The following L3MBTL4 variants were observed in gnomAD, a reference collection of about 807,000 sequenced individuals.
L3MBTL4 encodes L3MBTL histone methyl-lysine binding protein 4.
In L3MBTL4, 70 loss-of-function variants were observed where a neutral mutation model predicts 84.5. The observed-to-expected ratio is 0.83, with a 90% CI of 0.68 to 1.01. The LOEUF (loss-of-function observed/expected upper bound fraction) is 1.01, where lower values mean the gene tolerates loss of function less well. L3MBTL4 is among the 50% of genes least tolerant of loss of function. The pLI is 0.00. For missense variants in L3MBTL4, 715 were observed against 754.8 expected (o/e 0.95, Z 0.62); for synonymous variants, 274 against 259.8 (o/e 1.05, Z -0.52).
At chr18:5,989,599 T>G (rs866946095) in intron 16 of L3MBTL4, among the ~76,000 whole-genome samples, 15 of 152,170 alleles carry the variant, frequency 9.9e-5, no homozygotes, top group Non-Finnish European at 7.3e-5. Context: ...CCCACCCAAT[T>G]TGACCCTCTG....
chr18:6,386,204 G>A (rs1476809210), intron 1 of L3MBTL4, among the ~76,000 whole-genome samples: 2 of 152,158 alleles, frequency 1.3e-5, no homozygotes, highest in Non-Finnish European at 2.9e-5. Context: ...TAAAGAATGA[G>A]AAAGATTCCA....
At chr18:6,003,361 C>T (rs546831057) in intron 16 of L3MBTL4, among the ~76,000 whole-genome samples, 1 of 151,482 alleles carries the variant, frequency 6.6e-6, no homozygotes, top group Admixed American at 6.6e-5. Context: ...GAAGATATAA[C>T]AATTATAAAC....
chr18:5,973,418 C>A (rs571352301), intron 16 of L3MBTL4, among the ~76,000 whole-genome samples: 1 of 152,298 alleles, frequency 6.6e-6, no homozygotes, highest in East Asian at 1.9e-4. Flanking sequence ...TGTTGACAGG[C>A]TTTTAAAAGT....
intron 16 of L3MBTL4, among the ~76,000 whole-genome samples, chr18:5,974,489 T>A (rs962034011): frequency 5.9e-5 from 9 of 152,302 alleles, no homozygotes; most frequent in South Asian, 4.1e-4. Flanking sequence ...GGTAAGTCTA[T>A]CTGCCTTTAA....
In L3MBTL4 at chr18:6,121,159, C is replaced by A. The variant is rs147830222; in HGVS notation, c.1199+17035G>T. The stretch of plus-strand genomic sequence containing the variant: ...TGTACTATTATAACTGAGGTCAATG[C>A]CACTGTATCTATTTTAGTAAGCAGC... On this transcript the variant is annotated intron_variant, in intron 14 of 18. Transcript: ENST00000317931. Among the ~76,000 whole-genome samples the A allele has an allele frequency of 4.9e-4, 75 of 152,270 alleles. 1 individual carries two copies. Among genetic ancestry groups the A allele is most frequent in the African/African-American group, 1.8e-3 (73 of 41,556 alleles).
intron 1 of L3MBTL4, among the ~76,000 whole-genome samples, chr18:6,358,055 C>T (rs2053523596): frequency 6.6e-6 from 1 of 152,232 alleles, no homozygotes; most frequent in South Asian, 2.1e-4. Flanking sequence ...CTGGCCTACC[C>T]TTCCCCCATC....
intron 16 of L3MBTL4, among the ~76,000 whole-genome samples, chr18:6,037,117 C>A (rs954515737): frequency 2.0e-5 from 3 of 152,312 alleles, no homozygotes; most frequent in African/African-American, 7.2e-5. Context: ...TCGGAAGCAG[C>A]AATCAGCAGT....
intron 5 of L3MBTL4, among the ~76,000 whole-genome samples, chr18:6,249,433 C>A (rs1159618935): frequency 6.6e-6 from 1 of 152,110 alleles, no homozygotes; most frequent in Non-Finnish European, 1.5e-5. Context: ...TACTTCCCAG[C>A]CAGAAGTTAA....
chr18:6,259,997 T>C (rs1173855208), intron 5 of L3MBTL4: 1 of 152,216 alleles, frequency 6.6e-6, no homozygotes, highest in Non-Finnish European at 1.5e-5. Flanking sequence ...AGTTTTAATC[T>C]TCTGTATATG....
chr18:6,126,414 T>G (rs2059696759), intron 14 of L3MBTL4, among the ~76,000 whole-genome samples: 1 of 152,206 alleles, frequency 6.6e-6, no homozygotes, highest in South Asian at 2.1e-4. Context: ...CAGCTTCTCC[T>G]TAATCAATGT....
intron 5 of L3MBTL4, chr18:6,258,753 T>C (rs1416344873): frequency 6.6e-6 from 1 of 151,868 alleles, no homozygotes; most frequent in Non-Finnish European, 1.5e-5. Flanking sequence ...CCCAAGGTCT[T>C]AGGAGGTGGA....
At chr18:6,052,301 T>C (rs189326626) in intron 16 of L3MBTL4, among the ~76,000 whole-genome samples, 61 of 152,332 alleles carry the variant, frequency 4.0e-4, no homozygotes, top group African/African-American at 1.3e-3. Flanking sequence ...AAATACAATT[T>C]AAAGTGATGT....
intron 10 of L3MBTL4, among the ~76,000 whole-genome samples, chr18:6,221,063 T>C (rs2046530503): frequency 2.0e-5 from 3 of 152,208 alleles, no homozygotes; most frequent in Admixed American, 2.0e-4. Flanking sequence ...TAAGAAGGTG[T>C]AATACTGGTT....
intron 1 of L3MBTL4, among the ~76,000 whole-genome samples, chr18:6,345,615 C>A (rs993471510): frequency 1.3e-5 from 2 of 151,420 alleles, no homozygotes; most frequent in African/African-American, 4.9e-5. Context: ...ATAAATTTAA[C>A]CAAGAGGGTG....
intron 14 of L3MBTL4, among the ~76,000 whole-genome samples, chr18:6,125,164 G>A (rs561474695): frequency 6.6e-6 from 1 of 151,882 alleles, no homozygotes; most frequent in East Asian, 1.9e-4. Flanking sequence ...CTAACAAAAT[G>A]CGGAAGGAAG....
Position 6,411,244 on chromosome 18 carries a change from T to A in L3MBTL4, c.-91+3557A>T, listed in dbSNP as rs2055951763. Reference sequence around the variant, plus strand: ...TGCCGATATTTATACTGCTTGCTGTTATTCACTGTAGTAAATAGTGCATTT... The same window carrying A: ...TGCCGATATTTATACTGCTTGCTGTAATTCACTGTAGTAAATAGTGCATTT... On this transcript the variant is annotated intron_variant, in intron 1 of 18. Transcript: ENST00000317931. 2.0e-5 allele frequency among the ~76,000 whole-genome samples: 3 copies of A among 148,276 alleles called. No individual in the cohort carries two copies. In the Admixed American group the frequency reaches 2.0e-4, roughly 10 times the overall value.
chr18:6,133,664 T>A (rs768908986), intron 14 of L3MBTL4, among the ~76,000 whole-genome samples: 7 of 152,112 alleles, frequency 4.6e-5, no homozygotes, highest in Non-Finnish European at 8.8e-5. Context: ...ACCCCAGGAA[T>A]GTCAGGCAAC....
chr18:6,230,025 T>C (rs2145975260), intron 10 of L3MBTL4, among the ~76,000 whole-genome samples: 1 of 152,312 alleles, frequency 6.6e-6, no homozygotes, highest in African/African-American at 2.4e-5. Flanking sequence ...CTTTGGAATT[T>C]TGATAAAGAT....
intron 12 of L3MBTL4, among the ~76,000 whole-genome samples, chr18:6,201,472 A>G (rs1258249354): frequency 6.6e-6 from 1 of 152,236 alleles, no homozygotes; most frequent in Non-Finnish European, 1.5e-5. Context: ...TCAGAATGCC[A>G]GGAATGGGCT....
Sources: allele counts gnomAD v4.1 joint callset (sites outside exome capture counted in the v4.1 genomes callset), GRCh38; gene constraint gnomAD v4.1.1; transcripts MANE v1.5; gene names NCBI Gene and HGNC (gene_info 2026-07-23, HGNC 2026-07-21).